The following WDR36 variants were observed in gnomAD, a reference collection of about 807,000 sequenced individuals.
The protein encoded by WDR36 is WD repeat domain 36, also known as WD repeat-containing protein 36.
Under a neutral mutation model 112.7 loss-of-function variants are expected in WDR36, and 63 were observed. The observed-to-expected ratio is 0.56, with a 90% CI of 0.46 to 0.69. WDR36 has a LOEUF of 0.69. Ranked by LOEUF, WDR36 falls within the 30% of genes least tolerant of loss-of-function variation. WDR36 has a pLI of 0.00. For missense variants in WDR36, 1,226 were observed against 1,070.3 expected (o/e 1.15, Z -2.03); for synonymous variants, 410 against 362.2 (o/e 1.13, Z -1.50).
chr5:111,110,504 G>A (rs371746344), intron 13 of WDR36, among the ~76,000 whole-genome samples: 3 of 151,574 alleles, frequency 2.0e-5, no homozygotes, highest in East Asian at 1.9e-4. Flanking sequence ...AAAGAGTTAC[G>A]TGGATATTAT....
chr5:111,105,473 G>C, intron 10 of WDR36, 113 bp downstream of exon 10: 1 of 959,964 alleles, frequency 1.0e-6, no homozygotes, highest in African/African-American at 1.6e-5. Flanking sequence ...GGATGAACTA[G>C]ATAAACATGT....
intron 16 of WDR36, among the ~76,000 whole-genome samples, chr5:111,113,483 A>G (rs1171466032): frequency 6.6e-6 from 1 of 152,062 alleles, no homozygotes; most frequent in Non-Finnish European, 1.5e-5. Flanking sequence ...AAGGATGGCA[A>G]ACTTTTGAGT....
rs2112598410 is a variant in WDR36 at position 111,130,441 on chromosome 5, G to C, written c.*3558G>C. 5.6e-6 allele frequency: 1 copy of C among 178,476 alleles called. No individual in the cohort carries two copies. The highest frequency in any genetic ancestry group is 2.4e-5 in the African/African-American group (1 of 42,318). The allele number at this position is 178,476 out of a possible 1,614,324, so 11.1% of individuals were successfully genotyped here. A position where few individuals can be genotyped will look rare whatever the true frequency, so the allele number is the denominator to read the frequency against. On this transcript the variant is annotated 3_prime_UTR_variant, in exon 23 of 23. Coordinates refer to ENST00000513710, the MANE Select transcript of WDR36 (RefSeq NM_139281.3). Reference sequence around the variant, plus strand: ...CTTCATTAAATCATCTTTTGTGGGAGAGCTTTTGGTTTCATAGATTTTCAT... The same window carrying C: ...CTTCATTAAATCATCTTTTGTGGGACAGCTTTTGGTTTCATAGATTTTCAT...
intron 22 of WDR36, 70 bp downstream of exon 22, chr5:111,125,865 C>G: frequency 6.5e-7 from 1 of 1,541,196 alleles, no homozygotes; most frequent in Non-Finnish European, 8.9e-7. Context: ...ACAGAACTTT[C>G]TGCAAAGATG....
At chr5:111,096,455 G>A (rs547834415) in intron 2 of WDR36, among the ~76,000 whole-genome samples, 1 of 152,154 alleles carries the variant, frequency 6.6e-6, no homozygotes, top group African/African-American at 2.4e-5. Context: ...TGTAATCCCA[G>A]CACTTTGGAA....
chr5:111,101,075 G>T (rs1753112586), intron 5 of WDR36, among the ~76,000 whole-genome samples: 1 of 151,922 alleles, frequency 6.6e-6, no homozygotes, highest in Non-Finnish European at 1.5e-5. Context: ...ACCATTTTAT[G>T]TAAGGGACTT....
chr5:111,102,667 G>C (rs1012340586), intron 6 of WDR36, among the ~76,000 whole-genome samples: 2 of 151,740 alleles, frequency 1.3e-5, no homozygotes, highest in African/African-American at 2.4e-5. Flanking sequence ...TAATCATTTT[G>C]CAAGTATATG....
intron 21 of WDR36, among the ~76,000 whole-genome samples, 170 bp from the exon 22 acceptor site, chr5:111,125,438 T>C (rs1378267026): frequency 6.6e-6 from 1 of 152,180 alleles, no homozygotes; most frequent in Non-Finnish European, 1.5e-5. Context: ...TTTGTACTGA[T>C]TTTCAATTAT....
rs1177851132 is a variant in WDR36 at position 111,128,979 on chromosome 5, GTA to G, written c.*2102_*2103del. On this transcript the variant is annotated 3_prime_UTR_variant, in exon 23 of 23. Transcript: ENST00000513710. ...TTATGAGTGTTTAATGTAGGAATGT[GTA>G]TATATTATCTACAGCCACAGGAAAT... The G allele has an allele frequency of 1.0e-5, 2 of 193,590 alleles. No individual in the cohort carries two copies. The highest frequency in any genetic ancestry group is 2.2e-5 in the Non-Finnish European group (2 of 92,902). The allele number at this position is 193,590 out of a possible 1,614,324, so 12.0% of individuals were successfully genotyped here.
intron 3 of WDR36, 94 bp downstream of exon 3, chr5:111,097,273 T>G: frequency 1.1e-6 from 1 of 875,740 alleles, no homozygotes; most frequent in Non-Finnish European, 1.9e-6. Context: ...CCCAGCACAC[T>G]CTGGAACTAT....
Position 111,127,455 on chromosome 5 carries a change from G to T in WDR36, c.*572G>T, listed in dbSNP as rs1461392351. On this transcript the variant is annotated 3_prime_UTR_variant, in exon 23 of 23. Transcript: ENST00000513710. Reference sequence around the variant, plus strand: ...AGAAAAAAGGAATGCTTTTTTCCTCGGTGGCCTTTGATAAAAATATGAATG... The same window carrying T: ...AGAAAAAAGGAATGCTTTTTTCCTCTGTGGCCTTTGATAAAAATATGAATG... 2 of 203,430 alleles carry T rather than the reference G, an allele frequency of 9.8e-6. No homozygotes were observed. The highest frequency in any genetic ancestry group is 7.5e-5 in the East Asian group (1 of 13,286). 12.6% of individuals were successfully genotyped at this position (203,430 alleles called of 1,614,324 possible).
At position 111,119,043 on chromosome 5, in the gene WDR36, T is replaced by A; in HGVS notation, c.1827T>A (p.Ala609=). Reference sequence around the variant, plus strand: ...TAGACTGCTTTTTGTTGGACTCGGCTCCTCTCAATGTTTCTATGTCTCCTA... The same window carrying A: ...TAGACTGCTTTTTGTTGGACTCGGCACCTCTCAATGTTTCTATGTCTCCTA... ...CLIDCFLLDS[A]PLNVSMSPTG... Residue 609 remains alanine, a synonymous_variant, in exon 17 of 23, where the codon GCT becomes GCA. Transcript: ENST00000513710. 6.2e-7 allele frequency: 1 copy of A among 1,613,654 alleles called. No homozygotes were observed. The highest frequency in any genetic ancestry group is 8.5e-7 in the Non-Finnish European group (1 of 1,179,622).
At position 111,104,287 on chromosome 5, in the gene WDR36, G is replaced by T; in HGVS notation, c.841G>T (p.Ala281Ser). The T allele has an allele frequency of 6.2e-7, 1 of 1,612,128 alleles. No homozygotes were observed. Among genetic ancestry groups the T allele is most frequent in the South Asian group, 1.1e-5 (1 of 91,054 alleles). ...QMRNAHSTAI[A>S]GLTFLHREPL... ...GAGAAATGCACACTCTACAGCAATTGCCGGACTGACATTTCTCCATAGAGA... is the reference window on the plus strand; with the variant it reads ...GAGAAATGCACACTCTACAGCAATTTCCGGACTGACATTTCTCCATAGAGA... Residue 281 changes from alanine (A) to serine (S), a missense_variant, in exon 8 of 23, where the codon GCC becomes TCC. Coordinates refer to ENST00000513710, the MANE Select transcript of WDR36 (RefSeq NM_139281.3).
intron 13 of WDR36, 148 bp from the exon 14 acceptor site, chr5:111,110,640 C>T (rs1194449018): frequency 7.0e-6 from 6 of 852,824 alleles, no homozygotes; most frequent in Non-Finnish European, 1.1e-5. Flanking sequence ...AATCTTCTTA[C>T]ACCCCTAAAA....
chr5:111,125,784 T>G lies in WDR36; in HGVS notation c.2527T>G (p.Leu843Val), dbSNP rs753326934. 5.0e-6 allele frequency: 8 copies of G among 1,613,752 alleles called. No individual in the cohort carries two copies. The South Asian group carries it at 8.8e-5, about 18-fold the overall frequency. ...DFELAQAYLA[L>V]FLKLHLKMLP... ...TGAGTTAGCCCAGGCATACCTTGCA[T>G]TGTTTCTAAAGGTAAGTCTAATGTA... Residue 843 changes from leucine to valine, a missense_variant, in exon 22 of 23, where the codon TTG (leucine) becomes GTG (valine). Physicochemically the swap from Leu to Val is conservative, Grantham distance 32 (BLOSUM62 1). Coordinates refer to ENST00000513710, the MANE Select transcript of WDR36 (RefSeq NM_139281.3).
At chr5:111,094,327 T>C (rs1163343435) in intron 1 of WDR36, among the ~76,000 whole-genome samples, 1 of 152,190 alleles carries the variant, frequency 6.6e-6, no homozygotes, top group Non-Finnish European at 1.5e-5. Context: ...AGATGAAGAA[T>C]TTGAGGCACA....
rs1028737490 is a variant in WDR36, at chr5:111,130,053, A to G, written c.*3170A>G. On this transcript the variant is annotated 3_prime_UTR_variant, in exon 23 of 23. Coordinates refer to ENST00000513710, the MANE Select transcript of WDR36 (RefSeq NM_139281.3). ...TTTGGTATGTTCTCAGATTTGGGTA[A>G]AGCCTTCCTCATGTTCTATAAAAAT... 2 of 211,954 alleles carry G rather than the reference A, an allele frequency of 9.4e-6. No homozygotes were observed. Among genetic ancestry groups the G allele is most frequent in the Admixed American group, 5.9e-5 (1 of 17,034 alleles). The allele number at this position is 211,954 out of a possible 1,614,324, so 13.1% of individuals were successfully genotyped here.
At chr5:111,113,347 A>G (rs1229545450) in intron 16 of WDR36, among the ~76,000 whole-genome samples, 194 bp downstream of exon 16, 2 of 152,076 alleles carry the variant, frequency 1.3e-5, no homozygotes, top group South Asian at 2.1e-4. Context: ...GTCATGAAAC[A>G]TAATAGAAAA....
Position 111,100,605 on chromosome 5 carries a change from G to T in WDR36, c.426G>T (p.Leu142Phe). The T allele has an allele frequency of 1.3e-6, 2 of 1,580,346 alleles. No individual in the cohort carries two copies. The highest frequency in any genetic ancestry group is 2.3e-5 in the South Asian group (2 of 86,324). The change falls in exon 5 of 23, where the codon TTG becomes TTT. Residue 142 changes from leucine (L) to phenylalanine (F), a missense_variant. Transcript: ENST00000513710. ...HIYSEEEYLQLTFDKSVFKIS... is the reference protein window; with the variant it reads ...HIYSEEEYLQFTFDKSVFKIS... ...CTTTTGTAGAAGAATACCTGCAGTT[G>T]ACTTTTGATAAATCAGTATTTAAAA...
Sources: allele counts gnomAD v4.1 joint callset (sites outside exome capture counted in the v4.1 genomes callset), GRCh38; gene constraint gnomAD v4.1.1; transcripts MANE v1.5; gene names NCBI Gene and HGNC (gene_info 2026-07-23, HGNC 2026-07-21).